The following GAD1 variants were observed in gnomAD, a reference collection of about 807,000 sequenced individuals.
The protein encoded by GAD1 is glutamate decarboxylase 1, also known as 67 kDa glutamic acid decarboxylase.
GAD1 carries 35 observed loss-of-function variants against 75.2 expected under a neutral mutation model. The ratio of observed to expected loss-of-function variants is 0.47; its 90% CI spans 0.36 to 0.62. The LOEUF (loss-of-function observed/expected upper bound fraction) is 0.62, where lower values mean the gene tolerates loss of function less well. Among genes scored for constraint, GAD1 ranks in the 20% least tolerant of loss-of-function variants. The pLI is 0.00. For missense variants in GAD1, 490 were observed against 758.5 expected, an observed-to-expected ratio of 0.65 and a Z score of 4.16; for synonymous variants, 257 against 271.9, an observed-to-expected ratio of 0.95 and a Z score of 0.54.
intron 6 of GAD1, among the ~76,000 whole-genome samples, chr2:170,840,299 T>G (rs1201172624): frequency 6.6e-6 from 1 of 152,234 alleles, no homozygotes; most frequent in African/African-American, 2.4e-5. Context: ...CTTTTATTTC[T>G]GTCTCTCATC....
At chr2:170,820,929 A>T (rs1701860940) in intron 2 of GAD1, among the ~76,000 whole-genome samples, 1 of 152,218 alleles carries the variant, frequency 6.6e-6, no homozygotes, top group Admixed American at 6.5e-5. Flanking sequence ...TCAGGTCCAA[A>T]TAGCTCTTTA....
chr2:170,853,860 A>AT lies in GAD1; in HGVS notation c.1264-10dup. The AT allele has an allele frequency of 6.2e-7, 1 of 1,614,024 alleles. No individual in the cohort carries two copies. Among genetic ancestry groups the AT allele is most frequent in the South Asian group, 1.1e-5 (1 of 91,080 alleles). ...TGTAAATGCAGATGCACCCATCTTA[A>AT]TTTCCATGATAGGGTATACTCCAAG... On this transcript the variant is annotated splice_polypyrimidine_tract_variant and intron_variant, in intron 13 of 16. Coordinates refer to ENST00000358196, the MANE Select transcript of GAD1 (RefSeq NM_000817.3). This position sits in a 1 kb window ranked among gnomAD's most constrained non-coding sequence, Gnocchi z 4.1.
At position 170,857,946 on chromosome 2, in the gene GAD1, T is replaced by C. The variant is rs114676822; in HGVS notation, c.1521+821T>C. Among the ~76,000 whole-genome samples the C allele has an allele frequency of 6.6e-3, 1,005 of 152,246 alleles. 10 individuals carry two copies. Among genetic ancestry groups the C allele is most frequent in the African/African-American group, 0.023 (943 of 41,530 alleles). On this transcript the variant is annotated intron_variant, in intron 15 of 16. Coordinates refer to ENST00000358196, the MANE Select transcript of GAD1 (RefSeq NM_000817.3). Reference sequence around the variant, plus strand: ...GGAGCCAGTGTTGAATAAAAGAAAATCCACTTATAAGCCAGTATAATATAA... The same window carrying C: ...GGAGCCAGTGTTGAATAAAAGAAAACCCACTTATAAGCCAGTATAATATAA...
chr2:170,859,373 A>T (rs1702915189), intron 16 of GAD1, among the ~76,000 whole-genome samples: 2 of 152,162 alleles, frequency 1.3e-5, no homozygotes, highest in South Asian at 4.1e-4. Flanking sequence ...TGTTAAACAC[A>T]GTCTGTGTGC....
At chr2:170,824,495 T>G (rs1374760587) in intron 3 of GAD1, among the ~76,000 whole-genome samples, 1 of 151,968 alleles carries the variant, frequency 6.6e-6, no homozygotes, top group Non-Finnish European at 1.5e-5. Context: ...TGGTTTACCC[T>G]TTCACATTAA....
At chr2:170,828,315 C>T (rs1229378200) in intron 3 of GAD1, among the ~76,000 whole-genome samples, 1 of 135,878 alleles carries the variant, frequency 7.4e-6, no homozygotes, top group East Asian at 2.4e-4. Context: ...CTGCTGTCCT[C>T]ACCCTCTTCC....
At chr2:170,828,596 C>G (rs1192020949) in intron 3 of GAD1, among the ~76,000 whole-genome samples, 3 of 137,810 alleles carry the variant, frequency 2.2e-5, no homozygotes, top group Non-Finnish European at 4.7e-5. Flanking sequence ...GTCCTCACCC[C>G]TCCTCTTCCC....
intron 16 of GAD1, 127 bp downstream of exon 16, chr2:170,859,020 T>A: frequency 1.2e-6 from 1 of 837,472 alleles, no homozygotes; most frequent in Non-Finnish European, 2.0e-6. Context: ...GGGTTTCTAG[T>A]AATGGGGTGG....
rs912041377 is a variant in GAD1 at position 170,823,698 on chromosome 2, T to C, written c.145+1549T>C. Among the ~76,000 whole-genome samples, 224 of 140,302 alleles carry C rather than the reference T, an allele frequency of 1.6e-3. 1 individual carries two copies. Among genetic ancestry groups the C allele is most frequent in the African/African-American group, 4.1e-3 (155 of 37,744 alleles). The allele number at this position is 140,302 out of a possible 152,430, so 92.0% of individuals were successfully genotyped here. On this transcript the variant is annotated intron_variant, in intron 3 of 16. Transcript: ENST00000358196. ...CCGCCATTCTGGGCTTAATGGCCCG[T>C]TTCGCGCCAGGTCCCTTCGGCGGCC...
At chr2:170,815,046 G>A (rs1490038531), upstream of GAD1, among the ~76,000 whole-genome samples, 1 of 152,194 alleles carries the variant, frequency 6.6e-6, no homozygotes, top group Admixed American at 6.5e-5. Flanking sequence ...TGCCCCGTGC[G>A]TCTTGAATGA....
intron 3 of GAD1, among the ~76,000 whole-genome samples, chr2:170,825,203 T>C (rs887543047): frequency 1.3e-5 from 2 of 152,072 alleles, no homozygotes; most frequent in African/African-American, 2.4e-5. Flanking sequence ...CTGAGCAGCA[T>C]AGGGAGACCC....
chr2:170,826,400 T>A (rs1702027137), intron 3 of GAD1, among the ~76,000 whole-genome samples: 1 of 151,906 alleles, frequency 6.6e-6, no homozygotes, highest in African/African-American at 2.4e-5. Context: ...AACCCCCATC[T>A]CTACTAAAAA....
intron 5 of GAD1, among the ~76,000 whole-genome samples, chr2:170,835,032 A>G (rs577195092): frequency 7.0e-4 from 106 of 152,254 alleles, no homozygotes; most frequent in African/African-American, 2.5e-3. Flanking sequence ...TTGGCCTCCC[A>G]AAGTGCTGGG....
chr2:170,855,554 A>T (rs957634606), intron 14 of GAD1, among the ~76,000 whole-genome samples: 5 of 151,766 alleles, frequency 3.3e-5, no homozygotes, highest in African/African-American at 4.8e-5. Flanking sequence ...TTTCTATTAC[A>T]AAGTAATCAT....
At chr2:170,828,228 T>C (rs1403013508) in intron 3 of GAD1, among the ~76,000 whole-genome samples, 5 of 65,066 alleles carry the variant, frequency 7.7e-5, no homozygotes, top group South Asian at 8.3e-4. Flanking sequence ...ACCCCTCCTC[T>C]TTCTGCTGTC....
In GAD1 at chr2:170,844,118, G is replaced by A; in HGVS notation, c.712G>A (p.Gly238Arg). ...ACTTAAGAAGATGAGAGAGATAGTT[G>A]GATGGTCAAGTAAAGATGGTGATGG... ...ITLKKMREIV[G>R]WSSKDGDGIF... The change falls in exon 7 of 17, where the codon GGA becomes AGA. Residue 238 changes from glycine to arginine, a missense_variant. Physicochemically the swap from Gly to Arg is moderately radical, Grantham distance 125 (BLOSUM62 -2). Around this residue, in one of 3 missense-constraint regions of GAD1, gnomAD observed 324 missense variants for 523.9 expected, o/e 0.62. Transcript: ENST00000358196. 6.2e-7 allele frequency: 1 copy of A among 1,608,746 alleles called. No individual in the cohort carries two copies.
rs1005413171 is a variant in GAD1 at position 170,859,000 on chromosome 2, GC to G, written c.1611+109del. 11 of 1,033,162 alleles carry G rather than the reference GC, an allele frequency of 1.1e-5. No individual in the cohort carries two copies. In the Admixed American group the frequency reaches 2.2e-4, roughly 20 times the overall value. The allele number at this position is 1,033,162 out of a possible 1,614,324, so 64.0% of individuals were successfully genotyped here. On this transcript the variant is annotated intron_variant, in intron 16 of 16. Coordinates refer to ENST00000358196, the MANE Select transcript of GAD1 (RefSeq NM_000817.3). The stretch of plus-strand genomic sequence containing the variant: ...TAGTGGGGGAAATATAAAAAATAAA[GC>G]CTTGGGGTGGGTTTCTAGTAATGGG...
chr2:170,826,844 G>T (rs1428205384), intron 3 of GAD1, among the ~76,000 whole-genome samples: 1 of 152,284 alleles, frequency 6.6e-6, no homozygotes, highest in East Asian at 1.9e-4. Context: ...TCAATGTTCT[G>T]GGATGAGAGG....
intron 2 of GAD1, 35 bp from the exon 3 acceptor site, chr2:170,822,052 C>T: frequency 6.3e-7 from 1 of 1,579,856 alleles, no homozygotes. Flanking sequence ...TCGGAACCTC[C>T]CTAACCGAAC....
Sources: allele counts gnomAD v4.1 joint callset (sites outside exome capture counted in the v4.1 genomes callset), GRCh38; gene constraint gnomAD v4.1.1; regional missense constraint gnomAD v4.1.1; non-coding constraint Gnocchi (gnomAD v3.1); transcripts MANE v1.5; gene names NCBI Gene and HGNC (gene_info 2026-07-23, HGNC 2026-07-21).